RPAIN: variants seen among roughly 807,000 people sequenced by gnomAD.
RPAIN encodes the protein RPA interacting protein.
RPAIN carries 29 observed loss-of-function variants against 30.5 expected under a neutral mutation model. That is an observed-to-expected ratio of 0.95 (90% confidence interval 0.71 to 1.30). The LOEUF (loss-of-function observed/expected upper bound fraction) is 1.30. Ranked by LOEUF, RPAIN falls within the 50% of genes most tolerant of loss-of-function variation. RPAIN has a pLI of 0.00. For synonymous variants in RPAIN, 101 were observed against 93.5 expected (o/e 1.08, Z -0.46); for missense variants, 247 against 264.7 (o/e 0.93, Z 0.46).
chr17:5,426,414 T>C lies in RPAIN; in HGVS notation c.489+115T>C, dbSNP rs114642698. The C allele has an allele frequency of 1.0e-3, 943 of 921,080 alleles. 6 individuals are homozygous for C. The African/African-American group carries it at 0.014, about 13-fold the overall frequency. 57.1% of individuals were successfully genotyped at this position (921,080 alleles called of 1,614,324 possible). ...GTGCATATTTCTTCCCAGTTTTATG[T>C]TCAGTGGTGTCACATTGGTAGCTTC... On this transcript the variant is annotated intron_variant, in intron 5 of 6. Transcript: ENST00000381209.
chr17:5,429,693 A>G (rs1915724273), intron 6 of RPAIN: 3 of 985,354 alleles, frequency 3.0e-6, no homozygotes, highest in African/African-American at 3.5e-5. Context: ...TGTTCCAGCT[A>G]TCCAGCACTG....
chr17:5,420,395 CGCCTGGTCTGGTCAAACCCAG>C, intron 1 of RPAIN, 104 bp downstream of exon 1: 1 of 1,010,620 alleles, frequency 9.9e-7, no homozygotes, highest in Non-Finnish European at 1.5e-6. Context: ...TGCCGCAGCG[CGCCTGGTCTGGTCAAACCCAG>C]GCCTGCTGAC....
intron 6 of RPAIN, chr17:5,431,294 C>A: frequency 5.4e-6 from 2 of 368,266 alleles, no homozygotes; most frequent in South Asian, 4.1e-5. Flanking sequence ...CAAGACCAGC[C>A]TGGGCAACAT....
chr17:5,428,012 A>G, intron 5 of RPAIN, 59 bp from the exon 6 acceptor site: 1 of 1,559,318 alleles, frequency 6.4e-7, no homozygotes, highest in Non-Finnish European at 8.8e-7. Flanking sequence ...AGGAATGAGG[A>G]TTTTCCATCT....
At chr17:5,421,623 GT>G in intron 2 of RPAIN, 157 bp downstream of exon 2, 1 of 567,608 alleles carries the variant, frequency 1.8e-6, no homozygotes, top group Non-Finnish European at 3.0e-6. Context: ...TACACTTAAT[GT>G]TAGACTTGTC....
chr17:5,426,154 C>T, intron 4 of RPAIN, 72 bp downstream of exon 4: 1 of 1,566,490 alleles, frequency 6.4e-7, no homozygotes, highest in Non-Finnish European at 8.8e-7. Context: ...GAATCTCCCC[C>T]CAGATTTGTT....
chr17:5,425,424 C>T (rs1174301996), intron 3 of RPAIN: 1 of 440,056 alleles, frequency 2.3e-6, no homozygotes, highest in Admixed American at 2.5e-5. Flanking sequence ...CAACCTCCGC[C>T]TCCTGGGTTC....
chr17:5,432,685 C>A lies in RPAIN; in HGVS notation c.*114C>A. On this transcript the variant is annotated 3_prime_UTR_variant, in exon 7 of 7. Transcript: ENST00000381209. ...CTTATTTTGTATTGAAACTTTTAAA[C>A]AATACTGAAGAAAAAAAAACTTTTC... The A allele has an allele frequency of 1.8e-6, 2 of 1,114,284 alleles. No homozygotes were observed. Among genetic ancestry groups the A allele is most frequent in the Non-Finnish European group, 2.6e-6 (2 of 758,618 alleles). 69.0% of individuals were successfully genotyped at this position (1,114,284 alleles called of 1,614,324 possible). A position where few individuals can be genotyped will look rare whatever the true frequency, so the allele number is the denominator to read the frequency against.
chr17:5,423,349 TAAAAAAA>T (rs57082873), intron 3 of RPAIN, among the ~76,000 whole-genome samples: 2 of 127,130 alleles, frequency 1.6e-5, no homozygotes, highest in African/African-American at 3.0e-5. Flanking sequence ...TCTACAGAAG[TAAAAAAA>T]AAAAAAAAAA....
chr17:5,428,604 C>G, intron 6 of RPAIN: 1 of 977,740 alleles, frequency 1.0e-6, no homozygotes, highest in Non-Finnish European at 1.3e-6. Flanking sequence ...GTTTGTCTGT[C>G]AGTGGAGTTT....
chr17:5,432,199 G>T, intron 6 of RPAIN: 1 of 237,022 alleles, frequency 4.2e-6, no homozygotes, highest in Admixed American at 5.2e-5. Context: ...CTTCCTGCTG[G>T]GCTCTAAAAG....
At chr17:5,431,984 A>C (rs1597347876) in intron 6 of RPAIN, 1 of 271,902 alleles carries the variant, frequency 3.7e-6, no homozygotes, top group East Asian at 1.1e-4. Context: ...AAAATTTGCA[A>C]CCTCTGGCAT....
chr17:5,428,513 T>C (rs542020796), intron 6 of RPAIN: 5 of 1,376,832 alleles, frequency 3.6e-6, no homozygotes, highest in Admixed American at 3.0e-5. Flanking sequence ...GGTCATTTCA[T>C]AGTCATAAGA....
At chr17:5,424,622 A>C (rs1351981216) in intron 3 of RPAIN, among the ~76,000 whole-genome samples, 1 of 152,210 alleles carries the variant, frequency 6.6e-6, no homozygotes, top group Non-Finnish European at 1.5e-5. Context: ...ACTTGGCTTT[A>C]CTACTTTAAT....
At position 5,425,034 on chromosome 17, in the gene RPAIN, A is replaced by G. The variant is rs1915240528; in HGVS notation, c.314-937A>G. On this transcript the variant is annotated intron_variant, in intron 3 of 6. Coordinates refer to ENST00000381209, the MANE Select transcript of RPAIN (RefSeq NM_001033002.4). ...CTTTTTGTGAAGAGCCAGATAGCAA[A>G]TACTTTAGACTTCACAGACCATGTG... is the stretch of plus-strand genomic sequence containing the variant. 15 of 247,818 alleles carry G rather than the reference A, an allele frequency of 6.1e-5. 1 individual carries two copies. In the South Asian group the frequency reaches 6.1e-4, roughly 10 times the overall value. 15.4% of individuals were successfully genotyped at this position (247,818 alleles called of 1,614,324 possible). A position where few individuals can be genotyped will look rare whatever the true frequency, so the allele number is the denominator to read the frequency against.
At chr17:5,428,967 G>A in intron 6 of RPAIN, 1 of 962,798 alleles carries the variant, frequency 1.0e-6, no homozygotes, top group African/African-American at 1.8e-5. Context: ...TTAACCTACA[G>A]AGGTCATTTT....
Position 5,421,385 on chromosome 17 carries a change from C to T in RPAIN, c.171C>T (p.Asn57=). ...AGSSGPGNSQ[N]SFLVQEVMEE... ...GCAGTGGGCCAGGGAATTCTCAGAA[C>T]AGCTTTCTAGTTCAAGAGGTGATGG... The change falls in exon 2 of 7, where the codon AAC becomes AAT. Residue 57 remains asparagine (N), a synonymous_variant. Coordinates refer to ENST00000381209, the MANE Select transcript of RPAIN (RefSeq NM_001033002.4). 6.2e-7 allele frequency: 1 copy of T among 1,613,894 alleles called. No homozygotes were observed. The highest frequency in any genetic ancestry group is 8.5e-7 in the Non-Finnish European group (1 of 1,179,984).
intron 6 of RPAIN, chr17:5,431,500 A>AAAAAAAAAAG: frequency 2.3e-6 from 1 of 435,918 alleles, no homozygotes; most frequent in Non-Finnish European, 4.5e-6. Flanking sequence ...AAAAAAAAAA[A>AAAAAAAAAAG]GAGGAGGGGG....
chr17:5,423,855 C>T (rs1245819334), intron 3 of RPAIN, among the ~76,000 whole-genome samples: 6 of 151,892 alleles, frequency 4.0e-5, no homozygotes, highest in Non-Finnish European at 7.4e-5. Context: ...TGGGCTTAAG[C>T]GATCTTCCCA....
Sources: allele counts gnomAD v4.1 joint callset (sites outside exome capture counted in the v4.1 genomes callset), GRCh38; gene constraint gnomAD v4.1.1; transcripts MANE v1.5; gene names NCBI Gene and HGNC (gene_info 2026-07-23, HGNC 2026-07-21).